Variants in SLC2A9 observed in about 807,000 individuals in gnomAD.
SLC2A9 encodes solute carrier family 2 member 9, also known as solute carrier family 2, facilitated glucose transporter member 9.
A neutral mutation model predicts 50.6 loss-of-function variants in SLC2A9; 39 were observed. That is an observed-to-expected ratio of 0.77 (90% confidence interval 0.60 to 1.01). SLC2A9 has a LOEUF of 1.01. Among genes scored for constraint, SLC2A9 ranks in the 50% least tolerant of loss-of-function variants. The probability of loss-of-function intolerance (pLI) is 0.00; values close to 1 mark genes in which losing one functional copy is unlikely to be tolerated. For missense variants in SLC2A9, 686 were observed against 677.6 expected (o/e 1.01, Z -0.14); for synonymous variants, 324 against 276.9 (o/e 1.17, Z -1.69).
At chr4:9,853,889 A>G (rs1201251876) in intron 10 of SLC2A9, among the ~76,000 whole-genome samples, 1 of 152,220 alleles carries the variant, frequency 6.6e-6, no homozygotes, top group Non-Finnish European at 1.5e-5. Context: ...ATGCTCCTGA[A>G]TGACTTTTGG....
At chr4:9,958,544 C>A (rs116462816) in intron 5 of SLC2A9, among the ~76,000 whole-genome samples, 2,087 of 152,262 alleles carry the variant, frequency 0.014, 21 homozygotes, top group Middle Eastern at 0.051. Flanking sequence ...TAATGTAGAT[C>A]ACGGGTTGAT....
downstream of SLC2A9, among the ~76,000 whole-genome samples, chr4:9,796,136 TA>T (rs1383316285): frequency 1.6e-4 from 25 of 152,192 alleles, no homozygotes; most frequent in Non-Finnish European, 3.4e-4. Context: ...CTCTCATGGC[TA>T]TGTGGCTCAC....
intron 10 of SLC2A9, among the ~76,000 whole-genome samples, chr4:9,878,818 T>G (rs879661756): frequency 1.3e-5 from 2 of 152,036 alleles, no homozygotes; most frequent in Non-Finnish European, 2.9e-5. Flanking sequence ...ACCCTTTAAC[T>G]CTTTCTGACA....
chr4:9,961,774 A>G (rs74775885), intron 5 of SLC2A9, among the ~76,000 whole-genome samples: 6,986 of 152,306 alleles, frequency 0.046, 507 homozygotes, highest in African/African-American at 0.16. Flanking sequence ...GAAAACAGAC[A>G]GCCTACAGAA....
chr4:10,035,997 G>C (rs12642537), intron 1 of SLC2A9: 3 of 192,240 alleles, frequency 1.6e-5, no homozygotes, highest in African/African-American at 7.2e-5. Context: ...TTTGGACTGA[G>C]CCGTGCTGCC....
intron 3 of SLC2A9, among the ~76,000 whole-genome samples, chr4:9,991,720 G>A (rs1430826755): frequency 6.6e-6 from 1 of 152,224 alleles, no homozygotes; most frequent in African/African-American, 2.4e-5. Context: ...CTTGTAAGAA[G>A]AGGAAGGGAC....
chr4:9,905,099 C>T (rs768756429), intron 8 of SLC2A9, among the ~76,000 whole-genome samples: 2 of 152,208 alleles, frequency 1.3e-5, no homozygotes, highest in African/African-American at 2.4e-5. Context: ...CTCTCTAGAT[C>T]ACGGCAACGT....
At chr4:9,876,693 A>T (rs1351551759) in intron 10 of SLC2A9, among the ~76,000 whole-genome samples, 1 of 152,242 alleles carries the variant, frequency 6.6e-6, no homozygotes, top group African/African-American at 2.4e-5. Context: ...TCACATTTAT[A>T]TAATAGTTTA....
downstream of SLC2A9, among the ~76,000 whole-genome samples, chr4:9,822,026 G>A (rs1200298382): frequency 2.0e-5 from 3 of 152,182 alleles, no homozygotes; most frequent in African/African-American, 7.2e-5. Flanking sequence ...GTTATTAACA[G>A]CATTTCCTTA....
At chr4:9,886,166 CAG>C (rs1341855125) in intron 10 of SLC2A9, among the ~76,000 whole-genome samples, 1 of 152,202 alleles carries the variant, frequency 6.6e-6, no homozygotes, top group Non-Finnish European at 1.5e-5. Flanking sequence ...CCTCTGGGAG[CAG>C]AGACTGCTCC....
chr4:10,034,710 T>C (rs1000569705), intron 1 of SLC2A9: 1 of 152,260 alleles, frequency 6.6e-6, no homozygotes, highest in African/African-American at 2.4e-5. Flanking sequence ...AGGAGTGTTA[T>C]GAGGATTGAA....
downstream of SLC2A9, among the ~76,000 whole-genome samples, chr4:9,778,089 C>G (rs534372752): frequency 7.9e-6 from 1 of 127,118 alleles, no homozygotes; most frequent in Non-Finnish European, 1.7e-5. Context: ...TCCTTCCTTC[C>G]TTCCTTCCTT....
intron 3 of SLC2A9, chr4:9,799,285 C>CATTTATTTATTTATTT (rs34063554): frequency 1.3e-5 from 2 of 149,404 alleles, no homozygotes; most frequent in African/African-American, 4.9e-5. Context: ...AAACAACAGA[C>CATTTATTTATTTATTT]ATTTATTTAT....
intron 3 of SLC2A9, among the ~76,000 whole-genome samples, chr4:9,992,148 T>C (rs7678012): frequency 0.48 from 73,217 of 151,996 alleles, 18,267 homozygotes; most frequent in South Asian, 0.58. Context: ...TGGGAGGAGT[T>C]CCTCAAATTT....
intron 1 of SLC2A9, chr4:10,035,949 G>A (rs932348635): frequency 4.9e-5 from 8 of 164,612 alleles, no homozygotes; most frequent in African/African-American, 1.9e-4. Context: ...GTCAGACTGA[G>A]AATTACCATT....
chr4:9,783,166 C>A (rs1376784184), intron 3 of SLC2A9: 1 of 1,614,254 alleles, frequency 6.2e-7, no homozygotes, highest in East Asian at 2.2e-5. Flanking sequence ...GCCACTTCTG[C>A]TCCCGCACGC....
At chr4:9,942,105 G>C in intron 5 of SLC2A9, 60 bp from the exon 6 acceptor site, 1 of 1,608,984 alleles carries the variant, frequency 6.2e-7, no homozygotes, top group Non-Finnish European at 8.5e-7. Context: ...GAGGGGACTG[G>C]GCCACTGGAC....
At chr4:9,887,740 T>C (rs530098744) in intron 9 of SLC2A9, 98 bp from the exon 10 acceptor site, 383 of 971,308 alleles carry the variant, frequency 3.9e-4, no homozygotes, top group Non-Finnish European at 5.2e-4. Context: ...CTGTGTGACC[T>C]TGGACAGGTC....
chr4:9,874,056 T>G (rs1271669839), intron 10 of SLC2A9, among the ~76,000 whole-genome samples: 1 of 152,204 alleles, frequency 6.6e-6, no homozygotes, highest in Non-Finnish European at 1.5e-5. Context: ...CACGATGATC[T>G]GGCCACCACT....
Sources: allele counts gnomAD v4.1 joint callset (sites outside exome capture counted in the v4.1 genomes callset), GRCh38; gene constraint gnomAD v4.1.1; transcripts MANE v1.5; gene names NCBI Gene and HGNC (gene_info 2026-07-23, HGNC 2026-07-21).